The following PTPRM variants were observed in gnomAD, a reference collection of about 807,000 sequenced individuals.
PTPRM encodes the protein protein tyrosine phosphatase receptor type M, also known as receptor-type tyrosine-protein phosphatase mu.
A neutral mutation model predicts 186.7 loss-of-function variants in PTPRM; 47 were observed. That is an observed-to-expected ratio of 0.25 (90% CI 0.20 to 0.32). PTPRM has a LOEUF of 0.32. Ranked by LOEUF, PTPRM falls within the 10% of genes least tolerant of loss-of-function variation. The pLI, the probability that PTPRM is intolerant of heterozygous loss-of-function variation, is 1.00. For missense variants in PTPRM, 1,494 were observed against 1,865.0 expected (o/e 0.80, Z 3.66); for synonymous variants, 668 against 674.9 (o/e 0.99, Z 0.16).
chr18:7,978,677 A>G (rs1321258827), intron 7 of PTPRM, among the ~76,000 whole-genome samples: 1 of 152,236 alleles, frequency 6.6e-6, no homozygotes, highest in Non-Finnish European at 1.5e-5. Flanking sequence ...CTGTGAAATC[A>G]TAACTCTTAT....
intron 14 of PTPRM, among the ~76,000 whole-genome samples, chr18:8,237,234 A>G (rs2094355113): frequency 6.6e-6 from 1 of 152,052 alleles, no homozygotes; most frequent in African/African-American, 2.4e-5. Flanking sequence ...TGTTGCTGTT[A>G]TTATTTTGAA....
intron 1 of PTPRM, among the ~76,000 whole-genome samples, chr18:7,626,570 A>G (rs2038067543): frequency 6.6e-6 from 1 of 152,154 alleles, no homozygotes; most frequent in Non-Finnish European, 1.5e-5. Flanking sequence ...CCAGCCACAC[A>G]GCTGGTGGCT....
intron 1 of PTPRM, among the ~76,000 whole-genome samples, chr18:7,594,404 C>T (rs2037201652): frequency 6.6e-6 from 1 of 151,908 alleles, no homozygotes; most frequent in Admixed American, 6.6e-5. Flanking sequence ...CGCTTGAGCC[C>T]TGGAGGCAGA....
At chr18:8,050,888 A>G (rs649598) in intron 7 of PTPRM, among the ~76,000 whole-genome samples, 98,707 of 151,760 alleles carry the variant, frequency 0.65, 32,383 homozygotes, top group African/African-American at 0.73. Context: ...CATATCTAGC[A>G]CTAAGTTTCC....
chr18:7,572,787 A>G (rs1018477323), intron 1 of PTPRM, among the ~76,000 whole-genome samples: 14 of 152,206 alleles, frequency 9.2e-5, no homozygotes, highest in African/African-American at 3.1e-4. Flanking sequence ...TATAACATGC[A>G]TGTTAATAGG....
At chr18:8,378,741 A>G (rs1041063255) in intron 27 of PTPRM, among the ~76,000 whole-genome samples, 4 of 152,210 alleles carry the variant, frequency 2.6e-5, no homozygotes, top group Admixed American at 6.5e-5. Context: ...TGTCCACAGC[A>G]TAACCATGGC....
chr18:7,927,425 G>A (rs1319795167), intron 5 of PTPRM, among the ~76,000 whole-genome samples: 3 of 150,554 alleles, frequency 2.0e-5, no homozygotes, highest in Admixed American at 2.0e-4. Flanking sequence ...TTTTCATCTT[G>A]AGTGGTGTTG....
At chr18:8,378,559 C>A in intron 27 of PTPRM, 145 bp downstream of exon 27, 1 of 1,004,284 alleles carries the variant, frequency 1.0e-6, no homozygotes, top group Non-Finnish European at 1.4e-6. Flanking sequence ...TAACCCAGAG[C>A]TCTACCCAGG....
intron 4 of PTPRM, among the ~76,000 whole-genome samples, chr18:7,910,612 A>G (rs1297900709): frequency 6.6e-6 from 1 of 152,130 alleles, no homozygotes; most frequent in Non-Finnish European, 1.5e-5. Context: ...ATACAAAGTT[A>G]CACCCTCTGC....
At chr18:7,747,017 T>G (rs77478004) in intron 1 of PTPRM, among the ~76,000 whole-genome samples, 2,395 of 152,232 alleles carry the variant, frequency 0.016, 62 homozygotes, top group African/African-American at 0.055. Context: ...AGTGAAAGCT[T>G]TTTCCTCCTT....
At chr18:7,959,812 G>C (rs1030968992) in intron 7 of PTPRM, among the ~76,000 whole-genome samples, 1 of 152,156 alleles carries the variant, frequency 6.6e-6, no homozygotes, top group African/African-American at 2.4e-5. Flanking sequence ...GTCAATATGG[G>C]TTATTGTAAA....
intron 7 of PTPRM, among the ~76,000 whole-genome samples, chr18:8,060,247 G>T (rs2088372659): frequency 8.9e-6 from 1 of 112,356 alleles, no homozygotes; most frequent in Admixed American, 9.5e-5. Context: ...TTGCATAGAG[G>T]TGTTTGTAGT....
intron 7 of PTPRM, among the ~76,000 whole-genome samples, chr18:8,031,903 T>A (rs903733471): frequency 3.3e-5 from 5 of 152,154 alleles, no homozygotes; most frequent in African/African-American, 1.2e-4. Flanking sequence ...TGAAGACACA[T>A]TGATCACATG....
intron 2 of PTPRM, among the ~76,000 whole-genome samples, chr18:7,861,279 A>T (rs922808131): frequency 3.3e-5 from 5 of 152,208 alleles, no homozygotes; most frequent in African/African-American, 1.2e-4. Context: ...TCCCCTAAAA[A>T]AATTATGGTT....
At chr18:7,926,984 T>C (rs779971010) in intron 5 of PTPRM, among the ~76,000 whole-genome samples, 8 of 151,326 alleles carry the variant, frequency 5.3e-5, no homozygotes, top group Non-Finnish European at 1.2e-4. Flanking sequence ...TCCTAAGTCT[T>C]CCTCTTGAGA....
In PTPRM at chr18:7,720,375, A is replaced by T. The variant is rs533758826; in HGVS notation, c.74-53774A>T. 2.2e-4 allele frequency among the ~76,000 whole-genome samples: 33 copies of T among 152,284 alleles called. No individual in the cohort carries two copies. The East Asian group carries it at 4.4e-3, about 20-fold the overall frequency. On this transcript the variant is annotated intron_variant, in intron 1 of 32. Transcript: ENST00000580170. ...TACGAATTGGTCATCAGAGAAAAAA[A>T]ATCAGGACATAGACCCAAGAACACA...
chr18:8,329,083 TA>T (rs1435907184), intron 22 of PTPRM, among the ~76,000 whole-genome samples: 1 of 152,174 alleles, frequency 6.6e-6, no homozygotes, highest in Non-Finnish European at 1.5e-5. Flanking sequence ...AATTTGAAAA[TA>T]AATGATGTCC....
At chr18:7,653,782 A>G (rs1247588342) in intron 1 of PTPRM, among the ~76,000 whole-genome samples, 1 of 152,164 alleles carries the variant, frequency 6.6e-6, no homozygotes, top group Non-Finnish European at 1.5e-5. Flanking sequence ...GAACATACAC[A>G]TGCATGTGTC....
At chr18:8,020,568 T>C (rs1337667791) in intron 7 of PTPRM, among the ~76,000 whole-genome samples, 3 of 152,216 alleles carry the variant, frequency 2.0e-5, no homozygotes, top group African/African-American at 7.2e-5. Context: ...AAAATCTCTT[T>C]AAACATAAAA....
Sources: allele counts gnomAD v4.1 joint callset (sites outside exome capture counted in the v4.1 genomes callset), GRCh38; gene constraint gnomAD v4.1.1; transcripts MANE v1.5; gene names NCBI Gene and HGNC (gene_info 2026-07-23, HGNC 2026-07-21).